Variants in MLEC observed in about 807,000 individuals in gnomAD.
The protein encoded by MLEC is malectin, also known as oligosaccharyltransferase complex subunit (non-catalytic).
A neutral mutation model predicts 28.7 loss-of-function variants in MLEC; 7 were observed. The observed-to-expected ratio is 0.24, with a 90% CI of 0.14 to 0.46. MLEC has a LOEUF of 0.46. Among genes scored for constraint, MLEC ranks in the 20% least tolerant of loss-of-function variants. The pLI, the probability that MLEC is intolerant of heterozygous loss-of-function variation, is 0.99. For missense variants in MLEC, 237 were observed against 391.1 expected (o/e 0.61, Z 3.32); for synonymous variants, 142 against 164.4 (o/e 0.86, Z 1.04).
chr12:120,693,334 G>A (rs773923785), intron 1 of MLEC, among the ~76,000 whole-genome samples: 1 of 152,196 alleles, frequency 6.6e-6, no homozygotes, highest in Non-Finnish European at 1.5e-5. Context: ...TATGAGTGGC[G>A]ACTATGTGCC....
chr12:120,687,604 C>T lies in MLEC; in HGVS notation c.235+73C>T, dbSNP rs1337656549. On this transcript the variant is annotated intron_variant, in intron 1 of 4. Transcript: ENST00000228506. This position sits in a 1 kb window ranked among gnomAD's most constrained non-coding sequence, Gnocchi z 8.1. ...GGCGCAGCCGGCCGGGGGCTGCGGG[C>T]CCCGAGCCCCTTTCGACCCTGGGGC... is the stretch of plus-strand genomic sequence containing the variant. The T allele has an allele frequency of 1.5e-5, 19 of 1,239,124 alleles. 1 individual carries two copies. In the East Asian group the frequency reaches 4.7e-4, roughly 30 times the overall value. 76.8% of individuals were successfully genotyped at this position (1,239,124 alleles called of 1,614,324 possible).
In MLEC at chr12:120,697,746, A is replaced by G. The variant is rs7973568; in HGVS notation, c.*1201A>G. ...TTATTCCCATGTTCTTGTGTGTCAC[A>G]GTTCAGCCAGTTTTGGTTTATGCCT... On this transcript the variant is annotated 3_prime_UTR_variant, in exon 5 of 5. Coordinates refer to ENST00000228506, the MANE Select transcript of MLEC (RefSeq NM_014730.4). The surrounding 1 kb of genome is among the most constrained non-coding windows in gnomAD (Gnocchi z 4.8). 0.036 allele frequency: 5,485 copies of G among 152,558 alleles called. 335 individuals carry two copies. Among genetic ancestry groups the G allele is most frequent in the East Asian group, 0.27 (1,411 of 5,178 alleles). 9.5% of individuals were successfully genotyped at this position (152,558 alleles called of 1,614,324 possible).
Position 120,688,959 on chromosome 12 carries a change from T to C in MLEC, c.235+1428T>C, listed in dbSNP as rs778273763. ...TGGACCCTTCCTCTTTCTTCACGAG[T>C]GTGGGCAGGGAGGAAAGAGCCCTTG... On this transcript the variant is annotated intron_variant, in intron 1 of 4. Coordinates refer to ENST00000228506, the MANE Select transcript of MLEC (RefSeq NM_014730.4). Among the ~76,000 whole-genome samples, 10 of 152,092 alleles carry C rather than the reference T, an allele frequency of 6.6e-5. 1 individual carries two copies. The highest frequency in any genetic ancestry group is 1.5e-4 in the Non-Finnish European group (10 of 68,014).
rs73225026 is a variant in MLEC at position 120,696,109 on chromosome 12, C to T, written c.650-207C>T. Among the ~76,000 whole-genome samples the T allele has an allele frequency of 0.1, 15,562 of 152,160 alleles. 870 individuals are homozygous for T. Among genetic ancestry groups the T allele is most frequent in the South Asian group, 0.18 (863 of 4,820 alleles). Reference sequence around the variant, plus strand: ...AAGATAGTGAACCTCCCTATGAGCACGGCTTTTTCTACTTTCTAGTTAAAT... The same window carrying T: ...AAGATAGTGAACCTCCCTATGAGCATGGCTTTTTCTACTTTCTAGTTAAAT... On this transcript the variant is annotated intron_variant, in intron 4 of 4. Transcript: ENST00000228506. This position sits in a 1 kb window ranked among gnomAD's most constrained non-coding sequence, Gnocchi z 5.4.
rs1395655350 is a variant in MLEC at position 120,687,471 on chromosome 12, C to T, written c.175C>T (p.His59Tyr). The change falls in exon 1 of 5, where the codon CAT becomes TAT. Residue 59 changes from histidine to tyrosine, a missense_variant. Coordinates refer to ENST00000228506, the MANE Select transcript of MLEC (RefSeq NM_014730.4). This position sits in a 1 kb window ranked among gnomAD's most constrained non-coding sequence, Gnocchi z 8.1. Reference sequence around the variant, plus strand: ...GGCGGTCAACGCGGGTGGAGAGGCGCATGTGGACGTGCACGGGATCCACTT... The same window carrying T: ...GGCGGTCAACGCGGGTGGAGAGGCGTATGTGGACGTGCACGGGATCCACTT... ...IWAVNAGGEA[H>Y]VDVHGIHFRK... is the part of the protein sequence containing the mutation. The T allele has an allele frequency of 7.0e-7, 1 of 1,427,866 alleles. No homozygotes were observed. The highest frequency in any genetic ancestry group is 9.2e-7 in the Non-Finnish European group (1 of 1,088,988). 88.4% of individuals were successfully genotyped at this position (1,427,866 alleles called of 1,614,324 possible). A position where few individuals can be genotyped will look rare whatever the true frequency, so the allele number is the denominator to read the frequency against.
chr12:120,688,972 G>A lies in MLEC; in HGVS notation c.235+1441G>A, dbSNP rs1405081244. On this transcript the variant is annotated intron_variant, in intron 1 of 4. Coordinates refer to ENST00000228506, the MANE Select transcript of MLEC (RefSeq NM_014730.4). The stretch of plus-strand genomic sequence containing the variant: ...TTTCTTCACGAGTGTGGGCAGGGAG[G>A]AAAGAGCCCTTGAGGAAACTAGACA... 2.0e-5 allele frequency among the ~76,000 whole-genome samples: 3 copies of A among 152,338 alleles called. No individual in the cohort carries two copies. In the East Asian group the frequency reaches 5.8e-4, roughly 29 times the overall value.
intron 1 of MLEC, among the ~76,000 whole-genome samples, chr12:120,689,655 G>A (rs1833843553): frequency 6.6e-6 from 1 of 152,252 alleles, no homozygotes; most frequent in African/African-American, 2.4e-5. Context: ...ACCAAGGGAA[G>A]TCCAGCTGTT....
At chr12:120,692,949 G>T (rs777822363) in intron 1 of MLEC, among the ~76,000 whole-genome samples, 1 of 152,048 alleles carries the variant, frequency 6.6e-6, no homozygotes, top group Non-Finnish European at 1.5e-5. Context: ...GGCCTGGCGC[G>T]GTGGCTCACG....
chr12:120,693,808 A>C (rs1362817631), intron 1 of MLEC, among the ~76,000 whole-genome samples: 2 of 152,198 alleles, frequency 1.3e-5, no homozygotes, highest in Non-Finnish European at 2.9e-5. Flanking sequence ...AGTCAGGGGG[A>C]AAAAGTCATT....
intron 1 of MLEC, among the ~76,000 whole-genome samples, chr12:120,688,606 GAGAC>G (rs1881915609): frequency 6.6e-6 from 1 of 152,238 alleles, no homozygotes; most frequent in Non-Finnish European, 1.5e-5. Flanking sequence ...AGACAACCAG[GAGAC>G]AGACTCACTC....
At chr12:120,691,343 C>G (rs1405293329) in intron 1 of MLEC, among the ~76,000 whole-genome samples, 1 of 152,208 alleles carries the variant, frequency 6.6e-6, no homozygotes, top group East Asian at 1.9e-4. Flanking sequence ...TACCACAATG[C>G]TGTGGGATAG....
intron 1 of MLEC, among the ~76,000 whole-genome samples, chr12:120,688,577 T>C (rs11065213): frequency 0.034 from 5,225 of 152,332 alleles, 101 homozygotes; most frequent in South Asian, 0.061. Context: ...GGCTACCAAA[T>C]TGGCAGTATG....
intron 1 of MLEC, among the ~76,000 whole-genome samples, chr12:120,690,008 C>G (rs754674017): frequency 2.6e-5 from 4 of 152,256 alleles, no homozygotes; most frequent in African/African-American, 4.8e-5. Flanking sequence ...TATTGAATTT[C>G]ATTTCTGCCT....
rs556328253 is a variant in MLEC at position 120,696,681 on chromosome 12, A to G, written c.*136A>G. The G allele has an allele frequency of 2.2e-6, 3 of 1,334,514 alleles. No individual in the cohort carries two copies. Among genetic ancestry groups the G allele is most frequent in the Admixed American group, 4.8e-5 (2 of 41,594 alleles). The allele number at this position is 1,334,514 out of a possible 1,614,324, so 82.7% of individuals were successfully genotyped here. A position where few individuals can be genotyped will look rare whatever the true frequency, so the allele number is the denominator to read the frequency against. ...AAAACACACATCAATTAAAGGAGACAAAAAGAGGCAGAGCGAGTAGAGAGC... is the reference window on the plus strand; with the variant it reads ...AAAACACACATCAATTAAAGGAGACGAAAAGAGGCAGAGCGAGTAGAGAGC... On this transcript the variant is annotated 3_prime_UTR_variant, in exon 5 of 5. Transcript: ENST00000228506. This position sits in a 1 kb window ranked among gnomAD's most constrained non-coding sequence, Gnocchi z 5.4.
chr12:120,699,977 C>T lies in MLEC; in HGVS notation c.*3432C>T, dbSNP rs555135063. On this transcript the variant is annotated 3_prime_UTR_variant, in exon 5 of 5. Transcript: ENST00000228506. The stretch of plus-strand genomic sequence containing the variant: ...GGAATTTCTCTTCCTTCTTCTCCTG[C>T]CTCTAGCCTCTCCTGGAAAGGCCTG... The T allele has an allele frequency of 1.3e-5, 2 of 152,784 alleles. No homozygotes were observed. The highest frequency in any genetic ancestry group is 2.4e-5 in the African/African-American group (1 of 41,584). The allele number at this position is 152,784 out of a possible 1,614,324, so 9.5% of individuals were successfully genotyped here.
chr12:120,694,286 CT>C lies in MLEC; in HGVS notation c.414+18del. The C allele has an allele frequency of 6.2e-7, 1 of 1,611,344 alleles. No individual in the cohort carries two copies. Among genetic ancestry groups the C allele is most frequent in the Non-Finnish European group, 8.5e-7 (1 of 1,178,694 alleles). ...CAGCAAAAGGTGAGGCCTAGTCAGG[CT>C]GCTGCTTGACCAGTAGGACATTGCT... On this transcript the variant is annotated intron_variant, in intron 2 of 4. Coordinates refer to ENST00000228506, the MANE Select transcript of MLEC (RefSeq NM_014730.4). This position sits in a 1 kb window ranked among gnomAD's most constrained non-coding sequence, Gnocchi z 4.5.
In MLEC at chr12:120,687,151, G is replaced by A; in HGVS notation, c.-146G>A. On this transcript the variant is annotated 5_prime_UTR_variant, in exon 1 of 5. Coordinates refer to ENST00000228506, the MANE Select transcript of MLEC (RefSeq NM_014730.4). This position sits in a 1 kb window ranked among gnomAD's most constrained non-coding sequence, Gnocchi z 8.1. The stretch of plus-strand genomic sequence containing the variant: ...TCCTGAGGTGGGAGGCGGTACCCGT[G>A]GCTGAGAAGAAGGAGGCCTGAGAGC... The A allele has an allele frequency of 6.8e-6, 6 of 877,506 alleles. No individual in the cohort carries two copies. Among genetic ancestry groups the A allele is most frequent in the Non-Finnish European group, 9.1e-6 (6 of 660,130 alleles). The allele number at this position is 877,506 out of a possible 1,614,324, so 54.4% of individuals were successfully genotyped here.
intron 1 of MLEC, among the ~76,000 whole-genome samples, chr12:120,693,771 G>A (rs1882121855): frequency 6.6e-6 from 1 of 152,192 alleles, no homozygotes; most frequent in Non-Finnish European, 1.5e-5. Context: ...CTTTCTTCTG[G>A]TAATGAGTTA....
At chr12:120,693,990 T>C in intron 1 of MLEC, 101 bp from the exon 2 acceptor site, 1 of 1,116,776 alleles carries the variant, frequency 9.0e-7, no homozygotes, top group Non-Finnish European at 1.3e-6. Flanking sequence ...ATGGAGAGGG[T>C]TATTAGCATT....
Sources: gnomAD v4.1 joint callset for allele counts (sites outside exome capture counted in the v4.1 genomes callset) on GRCh38, gnomAD v4.1.1 for gene constraint, Gnocchi (gnomAD v3.1) non-coding constraint, MANE v1.5 for transcripts, NCBI Gene and HGNC (gene_info 2026-07-23, HGNC 2026-07-21) for gene names.